The following TERT variants were observed in gnomAD, a reference collection of about 807,000 sequenced individuals.
The protein encoded by TERT is telomerase reverse transcriptase.
In TERT, 42 loss-of-function variants were observed where a neutral mutation model predicts 104.0. That is an observed-to-expected ratio of 0.40 (90% CI 0.32 to 0.52). TERT has a LOEUF of 0.52. Among genes scored for constraint, TERT ranks in the 20% least tolerant of loss-of-function variants. The pLI is 0.43. For synonymous variants in TERT, 781 were observed against 725.6 expected, an observed-to-expected ratio of 1.08 and a Z score of -1.23; for missense variants, 1,101 against 1,610.3, an observed-to-expected ratio of 0.68 and a Z score of 5.41.
intron 2 of TERT, chr5:1,282,930 CGG>C (rs1750143358): frequency 2.2e-6 from 1 of 460,292 alleles, no homozygotes; most frequent in African/African-American, 2.0e-5. Flanking sequence ...GAACTCACCC[CGG>C]ACCTGCACCA....
chr5:1,266,874 C>T (rs542151793), intron 9 of TERT, among the ~76,000 whole-genome samples: 137 of 152,318 alleles, frequency 9.0e-4, no homozygotes, highest in Non-Finnish European at 1.7e-3. Flanking sequence ...CTGGGAACCT[C>T]GCCCCCTCTG....
At position 1,292,040 on chromosome 5, in the gene TERT, C is replaced by G. The variant is rs925266664; in HGVS notation, c.1573+1273G>C. ...ATTTCAAGCAACCTGCTGTAAACAC[C>G]GCCGAGTTAGCAATTCTGCACTGTA... On this transcript the variant is annotated intron_variant, in intron 2 of 15. Coordinates refer to ENST00000310581, the MANE Select transcript of TERT (RefSeq NM_198253.3). The surrounding 1 kb of genome is among the most constrained non-coding windows in gnomAD (Gnocchi z 5.5). Among the ~76,000 whole-genome samples the G allele has an allele frequency of 6.6e-6, 1 of 152,122 alleles. No individual in the cohort carries two copies. The highest frequency in any genetic ancestry group is 1.5e-5 in the Non-Finnish European group (1 of 68,020).
In TERT at chr5:1,288,184, TAAAAG is replaced by T. The variant is rs201775147; in HGVS notation, c.1573+5124_1573+5128del. On this transcript the variant is annotated intron_variant, in intron 2 of 15. Coordinates refer to ENST00000310581, the MANE Select transcript of TERT (RefSeq NM_198253.3). This position sits in a 1 kb window ranked among gnomAD's most constrained non-coding sequence, Gnocchi z 5.3. ...AAAAAAATCACAGAATAAGAATACT[TAAAAG>T]AAGTATTAACACTTTGAAGTATTTT... is the stretch of plus-strand genomic sequence containing the variant. Among the ~76,000 whole-genome samples, 733 of 152,098 alleles carry T rather than the reference TAAAAG, an allele frequency of 4.8e-3. 5 individuals carry two copies. Among genetic ancestry groups the T allele is most frequent in the African/African-American group, 0.017 (701 of 41,504 alleles).
rs1019129488 is a variant in TERT, at chr5:1,257,721, C to T, written c.3032+877G>A. On this transcript the variant is annotated intron_variant, in intron 13 of 15. Transcript: ENST00000310581. This position sits in a 1 kb window ranked among gnomAD's most constrained non-coding sequence, Gnocchi z 5.6. ...ACGACCTTGTAATGGAAAACTCTCCCGTGAGCCCTTGCTGGGTTTCCACGA... is the reference window on the plus strand; with the variant it reads ...ACGACCTTGTAATGGAAAACTCTCCTGTGAGCCCTTGCTGGGTTTCCACGA... Among the ~76,000 whole-genome samples the T allele has an allele frequency of 4.6e-5, 7 of 152,224 alleles. No individual in the cohort carries two copies. The highest frequency in any genetic ancestry group is 4.6e-4 in the Admixed American group (7 of 15,288).
chr5:1,266,307 G>C, intron 10 of TERT, 157 bp downstream of exon 10: 1 of 750,108 alleles, frequency 1.3e-6, no homozygotes, highest in Non-Finnish European at 2.3e-6. Flanking sequence ...AGGCCTGGGT[G>C]CACGGCCAAG....
chr5:1,294,845 C>A lies in TERT; in HGVS notation c.145G>T (p.Ala49Ser). Residue 49 changes from alanine to serine, a missense_variant, in exon 1 of 16, where the codon GCG becomes TCG. Ala to Ser is a moderately conservative substitution (Grantham distance 99). Coordinates refer to ENST00000310581, the MANE Select transcript of TERT (RefSeq NM_198253.3). ...VQRGDPAAFR[A>S]LVAQCLVCVP... The stretch of plus-strand genomic sequence containing the variant: ...CACACCAGGCACTGGGCCACCAGCG[C>A]GCGGAAAGCCGCCGGGTCCCCGCGC... The A allele has an allele frequency of 6.9e-7, 1 of 1,458,630 alleles. No individual in the cohort carries two copies. Among genetic ancestry groups the A allele is most frequent in the African/African-American group, 1.5e-5 (1 of 67,414 alleles). The allele number at this position is 1,458,630 out of a possible 1,614,324, so 90.4% of individuals were successfully genotyped here. A position where few individuals can be genotyped will look rare whatever the true frequency, so the allele number is the denominator to read the frequency against.
Position 1,289,798 on chromosome 5 carries a change from C to T in TERT, c.1573+3515G>A, listed in dbSNP as rs1371292730. On this transcript the variant is annotated intron_variant, in intron 2 of 15. Transcript: ENST00000310581. Reference sequence around the variant, plus strand: ...ACACGTGACAGGGACACCCGGGGACCGCGCCTCACTCACCCTGAACGTGAC... The same window carrying T: ...ACACGTGACAGGGACACCCGGGGACTGCGCCTCACTCACCCTGAACGTGAC... Among the ~76,000 whole-genome samples the T allele has an allele frequency of 6.0e-5, 5 of 83,060 alleles. No individual in the cohort carries two copies. In the East Asian group the frequency reaches 1.5e-3, roughly 25 times the overall value. 54.5% of individuals were successfully genotyped at this position (83,060 alleles called of 152,430 possible).
At chr5:1,283,976 T>C (rs986105486) in intron 2 of TERT, among the ~76,000 whole-genome samples, 1 of 142,848 alleles carries the variant, frequency 7.0e-6, no homozygotes, top group African/African-American at 2.7e-5. Context: ...ACCCCAGACC[T>C]GCACCATCCG....
chr5:1,275,100 C>A (rs1053758482), intron 6 of TERT, among the ~76,000 whole-genome samples: 2 of 152,172 alleles, frequency 1.3e-5, no homozygotes, highest in South Asian at 4.1e-4. Context: ...CTCGGCCGGG[C>A]GCGGCGGTTC....
chr5:1,286,129 A>G lies in TERT; in HGVS notation c.1574-3505T>C, dbSNP rs1023823132. On this transcript the variant is annotated intron_variant, in intron 2 of 15. Transcript: ENST00000310581. This position sits in a 1 kb window ranked among gnomAD's most constrained non-coding sequence, Gnocchi z 5.3. ...CGGACGTTGCTGTCACTCACTGGCT[A>G]AGGAACGCTGGCCACGTGGTGCTCC... is the stretch of plus-strand genomic sequence containing the variant. Among the ~76,000 whole-genome samples, 21 of 152,140 alleles carry G rather than the reference A, an allele frequency of 1.4e-4. No homozygotes were observed. Among genetic ancestry groups the G allele is most frequent in the Admixed American group, 2.6e-4 (4 of 15,280 alleles).
Position 1,265,205 on chromosome 5 carries a change from G to C in TERT, c.2655-613C>G, listed in dbSNP as rs1748504317. Among the ~76,000 whole-genome samples, 1 of 152,142 alleles carries C rather than the reference G, an allele frequency of 6.6e-6. No individual in the cohort carries two copies. Among genetic ancestry groups the C allele is most frequent in the Non-Finnish European group, 1.5e-5 (1 of 68,008 alleles). On this transcript the variant is annotated intron_variant, in intron 10 of 15. Transcript: ENST00000310581. The surrounding 1 kb of genome is among the most constrained non-coding windows in gnomAD (Gnocchi z 6.9). ...AGCTCAGGGAGCCCCCCTGTGCCCG[G>C]TAGCCTCTGCTCTGGCCTGGGCATC...
Position 1,258,579 on chromosome 5 carries a change from C to T in TERT, c.3032+19G>A, listed in dbSNP as rs771262935. 24 of 1,560,238 alleles carry T rather than the reference C, an allele frequency of 1.5e-5. No homozygotes were observed. In the Admixed American group the frequency reaches 3.4e-4, roughly 22 times the overall value. On this transcript the variant is annotated intron_variant, in intron 13 of 15. Transcript: ENST00000310581. ...AGGGTCCCTGGAGGCTGGGCCTGCA[C>T]CCCTTGGTGGCGGCTCACCTGTACG... is the stretch of plus-strand genomic sequence containing the variant.
Position 1,287,958 on chromosome 5 carries a change from C to T in TERT, c.1574-5334G>A, listed in dbSNP as rs1014657516. On this transcript the variant is annotated intron_variant, in intron 2 of 15. Transcript: ENST00000310581. This position sits in a 1 kb window ranked among gnomAD's most constrained non-coding sequence, Gnocchi z 4.3. ...CAAACTTCAAATAATTGGTATTATA[C>T]AGACCACTACACAACTGAGTTAGAA... Among the ~76,000 whole-genome samples, 3 of 151,448 alleles carry T rather than the reference C, an allele frequency of 2.0e-5. No homozygotes were observed. Among genetic ancestry groups the T allele is most frequent in the Non-Finnish European group, 4.4e-5 (3 of 67,948 alleles).
At chr5:1,289,209 C>A (rs1240523949) in intron 2 of TERT, among the ~76,000 whole-genome samples, 1 of 147,218 alleles carries the variant, frequency 6.8e-6, no homozygotes, top group Non-Finnish European at 1.5e-5. Flanking sequence ...CACCCGGGGA[C>A]GGCGCCTCAC....
rs1448812023 is a variant in TERT at position 1,268,339 on chromosome 5, C to T, written c.2582+181G>A. ...CGCTGGACAGAGCCTGCGTGGAGCC[C>T]GCAGTCCTCAGGCTGTGCAACCCCT... is the stretch of plus-strand genomic sequence containing the variant. On this transcript the variant is annotated intron_variant, in intron 9 of 15. Coordinates refer to ENST00000310581, the MANE Select transcript of TERT (RefSeq NM_198253.3). This position sits in a 1 kb window ranked among gnomAD's most constrained non-coding sequence, Gnocchi z 5.5. Among the ~76,000 whole-genome samples the T allele has an allele frequency of 2.0e-5, 3 of 152,330 alleles. No homozygotes were observed. Among genetic ancestry groups the T allele is most frequent in the Non-Finnish European group, 2.9e-5 (2 of 68,018 alleles).
intron 3 of TERT, among the ~76,000 whole-genome samples, chr5:1,280,834 A>G (rs1749973887): frequency 1.6e-5 from 1 of 61,134 alleles, no homozygotes; most frequent in Non-Finnish European, 3.9e-5. Flanking sequence ...TGAGCCCACC[A>G]GTCTCCTGAC....
Position 1,293,625 on chromosome 5 carries a change from G to T in TERT, c.1261C>A (p.Pro421Thr). 6.4e-7 allele frequency: 1 copy of T among 1,552,502 alleles called. No homozygotes were observed. Among genetic ancestry groups the T allele is most frequent in the Non-Finnish European group, 8.7e-7 (1 of 1,147,882 alleles). ...TCCCGGGCACAGACACCGGCTGCTG[G>T]GGTGACCGCAGCTCGCAGCGGGCAG... The part of the protein sequence containing the change: ...THCPLRAAVT[P>T]AAGVCAREKP... Residue 421 changes from proline to threonine, a missense_variant, in exon 2 of 16, where the codon CCA becomes ACA. Physicochemically the swap from Pro to Thr is conservative, Grantham distance 38. Around this residue, in one of 5 missense-constraint regions of TERT, gnomAD observed 504 missense variants for 544.6 expected, o/e 0.93. Transcript: ENST00000310581.
In TERT at chr5:1,293,467, C is replaced by T. The variant is rs1396093690; in HGVS notation, c.1419G>A (p.Val473=). 1 of 1,607,114 alleles carries T rather than the reference C, an allele frequency of 6.2e-7. No homozygotes were observed. The highest frequency in any genetic ancestry group is 1.3e-5 in the African/African-American group (1 of 74,940). The change falls in exon 2 of 16, where the codon GTG becomes GTA. Residue 473 remains valine (V), a synonymous_variant. Transcript: ENST00000310581. ...GFVRACLRRL[V]PPGLWGSRHN... is the part of the protein sequence containing the mutation. ...GCCTGGAGCCCCAGAGGCCTGGGGG[C>T]ACCAGCCGGCGCAGGCAGGCCCGCA... is the stretch of plus-strand genomic sequence containing the variant.
At chr5:1,279,101 C>T (rs570052057) in intron 5 of TERT, among the ~76,000 whole-genome samples, 190 bp downstream of exon 5, 11 of 152,306 alleles carry the variant, frequency 7.2e-5, no homozygotes, top group East Asian at 5.8e-4. Context: ...GGTGCACAGT[C>T]GGCCCCATGT....
Sources: gnomAD v4.1 joint callset for allele counts (sites outside exome capture counted in the v4.1 genomes callset) on GRCh38, gnomAD v4.1.1 for gene constraint, gnomAD v4.1.1 regional missense constraint, Gnocchi (gnomAD v3.1) non-coding constraint, MANE v1.5 for transcripts, NCBI Gene and HGNC (gene_info 2026-07-23, HGNC 2026-07-21) for gene names.